ADSS1: variants seen among roughly 807,000 people sequenced by gnomAD.
ADSS1 encodes adenylosuccinate synthase 1.
Under a neutral mutation model 59.1 loss-of-function variants are expected in ADSS1, and 57 were observed. The ratio of observed to expected loss-of-function variants is 0.97; its 90% confidence interval spans 0.78 to 1.20. ADSS1 has a LOEUF of 1.20. Among genes scored for constraint, ADSS1 ranks in the 50% most tolerant of loss-of-function variants. ADSS1 has a pLI of 0.00. For missense variants in ADSS1, 603 were observed against 610.3 expected, an observed-to-expected ratio of 0.99 and a Z score of 0.13; for synonymous variants, 247 against 249.4, an observed-to-expected ratio of 0.99 and a Z score of 0.09.
chr14:104,733,334 T>C (rs931875405), intron 1 of ADSS1, among the ~76,000 whole-genome samples: 11 of 152,144 alleles, frequency 7.2e-5, no homozygotes, highest in Admixed American at 7.2e-4. Flanking sequence ...GCGAAGGGGC[T>C]TCAGGGCTCT....
intron 2 of ADSS1, 153 bp from the exon 3 acceptor site, chr14:104,738,223 C>G (rs1234116606): frequency 1.6e-6 from 1 of 642,442 alleles, no homozygotes; most frequent in Non-Finnish European, 2.6e-6. Flanking sequence ...GTTTCGAACT[C>G]CTGACCTCAA....
Position 104,741,943 on chromosome 14 carries a change from G to A in ADSS1, c.889G>A (p.Val297Met), listed in dbSNP as rs780224589. ...PPQNIGDVYG[V>M]VKAYTTRVGI... ...GCAGAACATAGGTGACGTGTATGGC[G>A]TGGTGAAAGCCTATACCACACGTGT... Residue 297 changes from valine (V) to methionine (M), a missense_variant, in exon 9 of 13, where the codon GTG (valine) becomes ATG (methionine). Physicochemically the swap from Val to Met is conservative, Grantham distance 21. Coordinates refer to ENST00000330877, the MANE Select transcript of ADSS1 (RefSeq NM_152328.5). 11 of 1,613,328 alleles carry A rather than the reference G, an allele frequency of 6.8e-6. No individual in the cohort carries two copies. Among genetic ancestry groups the A allele is most frequent in the East Asian group, 6.7e-5 (3 of 44,894 alleles).
At chr14:104,734,192 T>C (rs1891034342) in intron 1 of ADSS1, among the ~76,000 whole-genome samples, 1 of 152,180 alleles carries the variant, frequency 6.6e-6, no homozygotes, top group South Asian at 2.1e-4. Flanking sequence ...GACTGGAGTG[T>C]CCCTGTATCC....
chr14:104,746,205 G>A (rs774995093), intron 11 of ADSS1, 31 bp from the exon 12 acceptor site: 7 of 1,579,474 alleles, frequency 4.4e-6, no homozygotes, highest in Non-Finnish European at 6.1e-6. Flanking sequence ...AGGTCTGTGG[G>A]CCCCACTCAT....
chr14:104,731,569 T>C (rs968936687), intron 1 of ADSS1, among the ~76,000 whole-genome samples: 79 of 152,312 alleles, frequency 5.2e-4, no homozygotes, highest in African/African-American at 1.4e-3. Flanking sequence ...CCCATGGCCT[T>C]CCCAGAGCTC....
At chr14:104,736,891 T>TATATATATAC (rs1263251546) in intron 2 of ADSS1, among the ~76,000 whole-genome samples, 84 of 51,472 alleles carry the variant, frequency 1.6e-3, no homozygotes, top group Non-Finnish European at 2.6e-3. Context: ...GATATATATA[T>TATATATATAC]ATATATATAT....
rs200263985 is a variant in ADSS1, at chr14:104,741,263, C to T, written c.793+20C>T. 12 of 1,537,920 alleles carry T rather than the reference C, an allele frequency of 7.8e-6. No individual in the cohort carries two copies. Among genetic ancestry groups the T allele is most frequent in the African/African-American group, 2.8e-5 (2 of 72,588 alleles). On this transcript the variant is annotated intron_variant, in intron 8 of 12. Coordinates refer to ENST00000330877, the MANE Select transcript of ADSS1 (RefSeq NM_152328.5). ...ACTTCGGTATGTCCGGGAGGGTGTG[C>T]GTGCCAACGACCTTTCGTGCCTGCC...
intron 1 of ADSS1, among the ~76,000 whole-genome samples, chr14:104,726,652 T>C (rs1164449677): frequency 2.0e-5 from 3 of 152,210 alleles, no homozygotes; most frequent in Admixed American, 2.0e-4. Context: ...GGAGTGTGGA[T>C]GCCTGAAGCC....
intron 1 of ADSS1, among the ~76,000 whole-genome samples, chr14:104,725,450 T>A (rs1890691746): frequency 6.6e-6 from 1 of 152,182 alleles, no homozygotes; most frequent in Non-Finnish European, 1.5e-5. Context: ...GCCTCCTTCC[T>A]GAGCTCCAGA....
intron 12 of ADSS1, 39 bp from the exon 13 acceptor site, chr14:104,746,912 C>T: frequency 2.5e-6 from 4 of 1,609,144 alleles, no homozygotes; most frequent in East Asian, 2.2e-5. Flanking sequence ...AACTTTCTGC[C>T]TCCAGTGTGT....
In ADSS1 at chr14:104,741,899, C is replaced by T. The variant is rs542060225; in HGVS notation, c.845C>T (p.Thr282Met). 20 of 1,613,492 alleles carry T rather than the reference C, an allele frequency of 1.2e-5. No individual in the cohort carries two copies. The highest frequency in any genetic ancestry group is 3.3e-4 in the Middle Eastern group (2 of 6,062). Reference protein sequence around the residue: ...SSNCTVGGVCTGLGIPPQNIG... With the variant: ...SSNCTVGGVCMGLGIPPQNIG... ...AACTGCACCGTGGGCGGTGTGTGCA[C>T]GGGCCTGGGCATCCCCCCGCAGAAC... The change falls in exon 9 of 13, where the codon ACG becomes ATG. Residue 282 changes from threonine to methionine, a missense_variant. Thr to Met is a moderately conservative substitution (Grantham distance 81, BLOSUM62 -1). Coordinates refer to ENST00000330877, the MANE Select transcript of ADSS1 (RefSeq NM_152328.5).
intron 1 of ADSS1, among the ~76,000 whole-genome samples, chr14:104,732,719 C>T (rs1016942018): frequency 6.6e-6 from 1 of 152,226 alleles, no homozygotes; most frequent in Non-Finnish European, 1.5e-5. Flanking sequence ...GCCTGCCCCC[C>T]CGCCCAGGCG....
intron 1 of ADSS1, among the ~76,000 whole-genome samples, chr14:104,728,753 T>C (rs1162880015): frequency 6.6e-6 from 1 of 152,178 alleles, no homozygotes; most frequent in Non-Finnish European, 1.5e-5. Context: ...CTGCCTTCAC[T>C]GCCTGGCGTG....
In ADSS1 at chr14:104,724,257, A is replaced by G; in HGVS notation, c.-14A>G. The G allele has an allele frequency of 2.4e-6, 3 of 1,226,188 alleles. No homozygotes were observed. Among genetic ancestry groups the G allele is most frequent in the Non-Finnish European group, 3.1e-6 (3 of 983,494 alleles). The allele number at this position is 1,226,188 out of a possible 1,614,324, so 76.0% of individuals were successfully genotyped here. A position where few individuals can be genotyped will look rare whatever the true frequency, so the allele number is the denominator to read the frequency against. On this transcript the variant is annotated 5_prime_UTR_variant, in exon 1 of 13. Coordinates refer to ENST00000330877, the MANE Select transcript of ADSS1 (RefSeq NM_152328.5). ...CTCCTGGCCGGGCCAGCGCAGCGGA[A>G]GAGCCAAGCCAGCATGTCGGGGACC...
At position 104,740,303 on chromosome 14, in the gene ADSS1, C is replaced by G. The variant is rs538784211; in HGVS notation, c.477-298C>G. 1.3e-5 allele frequency among the ~76,000 whole-genome samples: 2 copies of G among 152,196 alleles called. No individual in the cohort carries two copies. The highest frequency in any genetic ancestry group is 3.9e-4 in the East Asian group (2 of 5,186). On this transcript the variant is annotated intron_variant, in intron 5 of 12. Transcript: ENST00000330877. The surrounding 1 kb of genome is among the most constrained non-coding windows in gnomAD (Gnocchi z 4.8). ...CACCACACGCCCACGCATGCTCGCACAGTTATGCACATGTGCACACGCCAC... is the reference window on the plus strand; with the variant it reads ...CACCACACGCCCACGCATGCTCGCAGAGTTATGCACATGTGCACACGCCAC...
Position 104,747,101 on chromosome 14 carries a change from A to G in ADSS1, c.*98A>G. 1 of 1,111,818 alleles carries G rather than the reference A, an allele frequency of 9.0e-7. No individual in the cohort carries two copies. The highest frequency in any genetic ancestry group is 1.8e-5 in the South Asian group (1 of 56,568). The allele number at this position is 1,111,818 out of a possible 1,614,324, so 68.9% of individuals were successfully genotyped here. A position where few individuals can be genotyped will look rare whatever the true frequency, so the allele number is the denominator to read the frequency against. On this transcript the variant is annotated 3_prime_UTR_variant, in exon 13 of 13. Coordinates refer to ENST00000330877, the MANE Select transcript of ADSS1 (RefSeq NM_152328.5). ...CGGCCGCCACAACCAACACCAAAGC[A>G]GGAAAACCATTTTCTGTACTTTTAT...
chr14:104,745,300 C>T lies in ADSS1; in HGVS notation c.1171+391C>T, dbSNP rs1307663499. On this transcript the variant is annotated intron_variant, in intron 11 of 12. Coordinates refer to ENST00000330877, the MANE Select transcript of ADSS1 (RefSeq NM_152328.5). ...AGATGTAAAGCTCTATGCGGACGTA[C>T]AGGATGACTATTTCATCTGAGAAAA... 17 of 173,926 alleles carry T rather than the reference C, an allele frequency of 9.8e-5. No homozygotes were observed. In the East Asian group the frequency reaches 1.3e-3, roughly 14 times the overall value. 10.8% of individuals were successfully genotyped at this position (173,926 alleles called of 1,614,324 possible). A position where few individuals can be genotyped will look rare whatever the true frequency, so the allele number is the denominator to read the frequency against.
chr14:104,742,113 C>T, intron 9 of ADSS1, 111 bp downstream of exon 9: 1 of 1,402,798 alleles, frequency 7.1e-7, no homozygotes, highest in African/African-American at 1.4e-5. Flanking sequence ...TTGCCAGTGC[C>T]ATCTCCCCAT....
chr14:104,741,131 G>C lies in ADSS1; in HGVS notation c.681G>C (p.Arg227=). ...CTTCCTTGCAGGGCTTTGCTGAGCG[G>C]ATCAGACCCATGGTCCGAGATGGTG... ...QLKRLKGFAE[R]IRPMVRDGVY... is the part of the protein sequence containing the mutation. The change falls in exon 8 of 13, where the codon CGG becomes CGC. Residue 227 remains arginine (R), a synonymous_variant. Coordinates refer to ENST00000330877, the MANE Select transcript of ADSS1 (RefSeq NM_152328.5). The C allele has an allele frequency of 1.9e-6, 3 of 1,607,960 alleles. No individual in the cohort carries two copies. The highest frequency in any genetic ancestry group is 1.7e-5 in the Admixed American group (1 of 59,428).
Sources: allele counts gnomAD v4.1 joint callset (sites outside exome capture counted in the v4.1 genomes callset), GRCh38; gene constraint gnomAD v4.1.1; non-coding constraint Gnocchi (gnomAD v3.1); transcripts MANE v1.5; gene names NCBI Gene and HGNC (gene_info 2026-07-23, HGNC 2026-07-21).